STRN: variants seen among roughly 807,000 people sequenced by gnomAD.
STRN encodes the protein striatin.
In STRN, 53 loss-of-function variants were observed where a neutral mutation model predicts 96.3. The observed-to-expected ratio is 0.55, with a 90% confidence interval of 0.44 to 0.69. The LOEUF is 0.69. Ranked by LOEUF, STRN falls within the 30% of genes least tolerant of loss-of-function variation. The pLI is 0.00. For missense variants in STRN, 987 were observed against 963.9 expected (o/e 1.02, Z -0.32); for synonymous variants, 428 against 355.9 (o/e 1.20, Z -2.28).
intron 10 of STRN, among the ~76,000 whole-genome samples, chr2:36,872,472 G>C (rs953410866): frequency 1.3e-5 from 2 of 152,220 alleles, no homozygotes; most frequent in African/African-American, 4.8e-5. Context: ...CCCTAAGACA[G>C]AATCACCCGG....
Position 36,935,817 on chromosome 2 carries a change from T to C in STRN, c.235-10609A>G, listed in dbSNP as rs190588029. 6.6e-5 allele frequency among the ~76,000 whole-genome samples: 10 copies of C among 152,328 alleles called. No homozygotes were observed. The East Asian group carries it at 1.9e-3, about 29-fold the overall frequency. On this transcript the variant is annotated intron_variant, in intron 1 of 17. Transcript: ENST00000263918. The stretch of plus-strand genomic sequence containing the variant: ...AAATGGAAAAAAACAGGCAAGAACA[T>C]ACGAAGTAGAAGTATAAACAATAAT...
At chr2:36,886,576 CCT>C (rs928360890) in intron 8 of STRN, 138 bp downstream of exon 8, 15 of 606,938 alleles carry the variant, frequency 2.5e-5, no homozygotes, top group Admixed American at 3.2e-5. Flanking sequence ...AATTTCAACC[CCT>C]GAGAGCAGGT....
chr2:36,950,213 G>T (rs60994423), intron 1 of STRN, among the ~76,000 whole-genome samples: 1,707 of 108,838 alleles, frequency 0.016, 42 homozygotes, highest in East Asian at 0.06. Flanking sequence ...GTTTGGTTTT[G>T]TTTTTTTTTT....
chr2:36,954,288 AT>A (rs1192664158), intron 1 of STRN, among the ~76,000 whole-genome samples: 2 of 152,032 alleles, frequency 1.3e-5, no homozygotes, highest in African/African-American at 4.8e-5. Context: ...AGGCAGATGG[AT>A]CACTTGAGGC....
chr2:36,927,738 A>G (rs562103146), intron 1 of STRN, among the ~76,000 whole-genome samples: 1 of 152,228 alleles, frequency 6.6e-6, no homozygotes, highest in East Asian at 1.9e-4. Context: ...TCAGTAATTT[A>G]ATAATATGGT....
chr2:36,899,599 G>C lies in STRN; in HGVS notation c.719C>G (p.Ala240Gly), dbSNP rs1311359814. The change falls in exon 6 of 18, where the codon GCA becomes GGA. Residue 240 changes from alanine to glycine, a missense_variant. Coordinates refer to ENST00000263918, the MANE Select transcript of STRN (RefSeq NM_003162.4). ...ATCTTCATCACTGAAATCTGCAGCT[G>C]CACTTTCAAGGAATTTGAAATTATC... is the stretch of plus-strand genomic sequence containing the variant. The part of the protein sequence containing the change: ...VLDNFKFLES[A>G]AADFSDEDED... 1.3e-5 allele frequency: 21 copies of C among 1,613,310 alleles called. No homozygotes were observed. The highest frequency in any genetic ancestry group is 1.8e-5 in the Non-Finnish European group (21 of 1,179,798).
chr2:36,925,819 T>G (rs1670394354), intron 1 of STRN, among the ~76,000 whole-genome samples: 2 of 152,096 alleles, frequency 1.3e-5, no homozygotes, highest in African/African-American at 4.8e-5. Flanking sequence ...AAATGCAAGG[T>G]GTACAGTACA....
intron 6 of STRN, among the ~76,000 whole-genome samples, chr2:36,897,072 C>A (rs1669560588): frequency 6.6e-6 from 1 of 151,772 alleles, no homozygotes; most frequent in African/African-American, 2.4e-5. Context: ...GAGGCTGAGA[C>A]AGGAGAATTG....
intron 1 of STRN, among the ~76,000 whole-genome samples, chr2:36,953,544 A>T (rs1401759913): frequency 6.6e-6 from 1 of 151,848 alleles, no homozygotes; most frequent in Non-Finnish European, 1.5e-5. Context: ...CTGGGACTAC[A>T]GGCACCCGCC....
chr2:36,928,120 A>C (rs1406652164), intron 1 of STRN, among the ~76,000 whole-genome samples: 1 of 152,118 alleles, frequency 6.6e-6, no homozygotes, highest in Non-Finnish European at 1.5e-5. Flanking sequence ...CAGTCTTAAA[A>C]CACATTCCTA....
At chr2:36,946,218 T>C (rs1489045512) in intron 1 of STRN, among the ~76,000 whole-genome samples, 3 of 150,174 alleles carry the variant, frequency 2.0e-5, no homozygotes, top group Non-Finnish European at 4.4e-5. Context: ...GAGGTATAAA[T>C]ACCAGAAATA....
chr2:36,897,854 TA>T (rs1021427978), intron 6 of STRN, among the ~76,000 whole-genome samples: 1 of 151,838 alleles, frequency 6.6e-6, no homozygotes, highest in East Asian at 1.9e-4. Context: ...CATGGCTAAT[TA>T]AAAAAAAATT....
At chr2:36,851,580 T>G (rs1401642733) in intron 15 of STRN, among the ~76,000 whole-genome samples, 1 of 152,218 alleles carries the variant, frequency 6.6e-6, no homozygotes, top group Non-Finnish European at 1.5e-5. Flanking sequence ...AAAATTTCAA[T>G]GTTAGGAAAG....
At chr2:36,927,080 C>T (rs546726246) in intron 1 of STRN, among the ~76,000 whole-genome samples, 20 of 152,258 alleles carry the variant, frequency 1.3e-4, no homozygotes, top group Admixed American at 1.3e-3. Flanking sequence ...TTTGTCCCCT[C>T]GATACTCCTT....
intron 3 of STRN, among the ~76,000 whole-genome samples, chr2:36,909,157 C>CA (rs78134786): frequency 0.058 from 4,274 of 73,696 alleles, 144 homozygotes; most frequent in African/African-American, 0.13. Context: ...GACTTCATCT[C>CA]AAAAAAAAAA....
intron 1 of STRN, among the ~76,000 whole-genome samples, chr2:36,954,267 G>A (rs1024601235): frequency 3.9e-5 from 6 of 152,032 alleles, no homozygotes; most frequent in South Asian, 2.1e-4. Flanking sequence ...TCCCAGCACT[G>A]TGGGAGGCTG....
intron 10 of STRN, among the ~76,000 whole-genome samples, chr2:36,872,514 A>C (rs1558631036): frequency 6.6e-6 from 1 of 152,236 alleles, no homozygotes; most frequent in Non-Finnish European, 1.5e-5. Context: ...GACCCACAGA[A>C]ACTATGAAGA....
At chr2:36,909,295 C>A (rs1460689373) in intron 3 of STRN, among the ~76,000 whole-genome samples, 1 of 151,932 alleles carries the variant, frequency 6.6e-6, no homozygotes, top group Non-Finnish European at 1.5e-5. Flanking sequence ...TCATTCTTGC[C>A]TTGTCAAGTT....
rs188287094 is a variant in STRN at position 36,879,931 on chromosome 2, A to G, written c.1187-1904T>C. On this transcript the variant is annotated intron_variant, in intron 9 of 17. Transcript: ENST00000263918. ...GACCCTTTGGGGCCAGATGTCTGAG[A>G]CCAGCCTGGGCGACAGGGCAAGACC... Among the ~76,000 whole-genome samples, 708 of 151,822 alleles carry G rather than the reference A, an allele frequency of 4.7e-3. 2 individuals are homozygous for G. Among genetic ancestry groups the G allele is most frequent in the Non-Finnish European group, 8.4e-3 (571 of 67,944 alleles).
Sources: allele counts gnomAD v4.1 joint callset (sites outside exome capture counted in the v4.1 genomes callset), GRCh38; gene constraint gnomAD v4.1.1; transcripts MANE v1.5; gene names NCBI Gene and HGNC (gene_info 2026-07-23, HGNC 2026-07-21).